Variants in ASAP2 observed in about 807,000 individuals in gnomAD.
ASAP2 encodes ArfGAP with SH3 domain, ankyrin repeat and PH domain 2, also known as arf-GAP with SH3 domain, ANK repeat and PH domain-containing protein 2.
A neutral mutation model predicts 131.4 loss-of-function variants in ASAP2; 45 were observed. The ratio of observed to expected loss-of-function variants is 0.34; its 90% confidence interval spans 0.27 to 0.44. The LOEUF (loss-of-function observed/expected upper bound fraction) is 0.44. Ranked by LOEUF, ASAP2 falls within the 20% of genes least tolerant of loss-of-function variation. The pLI is 1.00. For synonymous variants in ASAP2, 510 were observed against 503.0 expected, an observed-to-expected ratio of 1.01 and a Z score of -0.19; for missense variants, 1,011 against 1,297.0, an observed-to-expected ratio of 0.78 and a Z score of 3.39.
intron 1 of ASAP2, among the ~76,000 whole-genome samples, chr2:9,229,056 AG>A (rs1203480396): frequency 6.6e-6 from 1 of 152,108 alleles, no homozygotes; most frequent in African/African-American, 2.4e-5. Flanking sequence ...GTTGAAGGCT[AG>A]GGGCGGAAAG....
At chr2:9,369,829 C>G (rs1572566596) in intron 16 of ASAP2, among the ~76,000 whole-genome samples, 2 of 152,218 alleles carry the variant, frequency 1.3e-5, no homozygotes, top group South Asian at 4.2e-4. Flanking sequence ...AGTGTATGGA[C>G]CCTTTGTAAA....
At position 9,379,791 on chromosome 2, in the gene ASAP2, G is replaced by A. The variant is rs543654234; in HGVS notation, c.1948+732G>A. ...CAGTGGCTCACGAGGTCAAGAGATC[G>A]AGACCATCTGGCCAACATGGTGAAA... On this transcript the variant is annotated intron_variant, in intron 19 of 27. Coordinates refer to ENST00000281419, the MANE Select transcript of ASAP2 (RefSeq NM_003887.3). 5.9e-5 allele frequency among the ~76,000 whole-genome samples: 9 copies of A among 152,102 alleles called. No homozygotes were observed. In the East Asian group the frequency reaches 9.7e-4, roughly 16 times the overall value.
chr2:9,361,797 C>G (rs779784702), intron 15 of ASAP2, among the ~76,000 whole-genome samples: 2 of 152,108 alleles, frequency 1.3e-5, no homozygotes, highest in East Asian at 3.9e-4. Context: ...ACTCCTGGAC[C>G]CAAGTGATCC....
At chr2:9,215,967 C>T (rs1210085803) in intron 1 of ASAP2, among the ~76,000 whole-genome samples, 1 of 152,096 alleles carries the variant, frequency 6.6e-6, no homozygotes, top group Non-Finnish European at 1.5e-5. Context: ...GTGCATGCCT[C>T]AAGAGTTCAG....
chr2:9,400,698 G>A, intron 25 of ASAP2, 44 bp from the exon 26 acceptor site: 1 of 1,515,894 alleles, frequency 6.6e-7, no homozygotes, highest in Non-Finnish European at 9.2e-7. Context: ...TCTCATGGCT[G>A]TGATTGATGG....
chr2:9,394,389 C>T (rs1039249196), intron 24 of ASAP2, among the ~76,000 whole-genome samples: 6 of 152,132 alleles, frequency 3.9e-5, no homozygotes, highest in African/African-American at 1.4e-4. Context: ...TGGTCTCGAT[C>T]TCCTGACCTC....
intron 21 of ASAP2, among the ~76,000 whole-genome samples, chr2:9,386,122 A>G (rs947653730): frequency 4.0e-5 from 6 of 151,670 alleles, no homozygotes; most frequent in African/African-American, 1.5e-4. Context: ...ATGCCACATT[A>G]AACACATTTT....
intron 1 of ASAP2, among the ~76,000 whole-genome samples, chr2:9,223,379 G>A (rs1473286055): frequency 6.6e-6 from 1 of 152,066 alleles, no homozygotes; most frequent in Admixed American, 6.5e-5. Flanking sequence ...GAACCTTCTT[G>A]GATCCTTCAA....
chr2:9,358,630 C>T (rs1332095109), intron 14 of ASAP2, 126 bp from the exon 15 acceptor site: 6 of 1,187,568 alleles, frequency 5.1e-6, no homozygotes, highest in Non-Finnish European at 6.9e-6. Flanking sequence ...AAGTTTCCAG[C>T]TGTGTTAAGG....
At chr2:9,350,955 C>T (rs746542797) in intron 12 of ASAP2, 60 bp downstream of exon 12, 15 of 1,281,736 alleles carry the variant, frequency 1.2e-5, no homozygotes, top group East Asian at 4.8e-5. Context: ...TCCTCTGGGG[C>T]GTCCTTCACA....
At position 9,258,462 on chromosome 2, in the gene ASAP2, T is replaced by C. The variant is rs147234236; in HGVS notation, c.127-20855T>C. Among the ~76,000 whole-genome samples, 112 of 152,240 alleles carry C rather than the reference T, an allele frequency of 7.4e-4. 1 individual carries two copies. Among genetic ancestry groups the C allele is most frequent in the African/African-American group, 2.2e-3 (91 of 41,532 alleles). On this transcript the variant is annotated intron_variant, in intron 1 of 27. Transcript: ENST00000281419. ...AAGATAACTAAAATGCAAGCTGTTT[T>C]AAAGGTGGTACTTTCATAGAATTTT...
At position 9,388,316 on chromosome 2, in the gene ASAP2, A is replaced by C; in HGVS notation, c.2153A>C (p.Asp718Ala). 1.9e-6 allele frequency: 3 copies of C among 1,614,058 alleles called. No individual in the cohort carries two copies. The highest frequency in any genetic ancestry group is 2.5e-6 in the Non-Finnish European group (3 of 1,180,022). Residue 718 changes from aspartate to alanine, a missense_variant, in exon 22 of 28, where the codon GAC becomes GCC. Coordinates refer to ENST00000281419, the MANE Select transcript of ASAP2 (RefSeq NM_003887.3). Reference protein sequence around the residue: ...KLQPSPNRREDRPISFYQLGS... With the variant: ...KLQPSPNRREARPISFYQLGS... Reference sequence around the variant, plus strand: ...CAGCCCAGTCCCAACCGGCGGGAAGACCGGCCCATCAGCTTCTACCAGCTG... The same window carrying C: ...CAGCCCAGTCCCAACCGGCGGGAAGCCCGGCCCATCAGCTTCTACCAGCTG...
chr2:9,217,226 T>C lies in ASAP2; in HGVS notation c.126+9996T>C, dbSNP rs1489813486. 6.6e-6 allele frequency among the ~76,000 whole-genome samples: 1 copy of C among 152,202 alleles called. No individual in the cohort carries two copies. Among genetic ancestry groups the C allele is most frequent in the Non-Finnish European group, 1.5e-5 (1 of 68,026 alleles). On this transcript the variant is annotated intron_variant, in intron 1 of 27. Transcript: ENST00000281419. The surrounding 1 kb of genome is among the most constrained non-coding windows in gnomAD (Gnocchi z 4.0). ...GTTAGTGTTAGAAAGTTGCAGCTAT[T>C]GCATTGCTCGAGTGGGTGCTTCTGG...
In ASAP2 at chr2:9,254,254, T is replaced by TATATATATATATACACACACAC. The variant is rs1553297027; in HGVS notation, c.127-25062_127-25061insTATATATATATACACACACACA. Among the ~76,000 whole-genome samples the TATATATATATATACACACACAC allele has an allele frequency of 8.2e-4, 54 of 65,720 alleles. 1 individual carries two copies. Among genetic ancestry groups the TATATATATATATACACACACAC allele is most frequent in the South Asian group, 1.4e-3 (3 of 2,190 alleles). The allele number at this position is 65,720 out of a possible 152,430, so 43.1% of individuals were successfully genotyped here. ...AAAAAAAAATATATATATATATATA[T>TATATATATATATACACACACAC]ACACGTGTGTGTGTATGCATATATA... On this transcript the variant is annotated intron_variant, in intron 1 of 27. Transcript: ENST00000281419.
chr2:9,388,986 C>T (rs1404305580), intron 22 of ASAP2, among the ~76,000 whole-genome samples: 2 of 152,154 alleles, frequency 1.3e-5, no homozygotes, highest in African/African-American at 4.8e-5. Context: ...ACCCATGATC[C>T]CCATAAAAGA....
chr2:9,403,109 G>GAT, intron 27 of ASAP2, 144 bp from the exon 28 acceptor site: 1 of 663,010 alleles, frequency 1.5e-6, no homozygotes, highest in Non-Finnish European at 2.6e-6. Context: ...AAATCATTTG[G>GAT]ATGTTTTACC....
intron 11 of ASAP2, among the ~76,000 whole-genome samples, chr2:9,346,465 T>C (rs1272576714): frequency 2.0e-5 from 3 of 151,362 alleles, no homozygotes; most frequent in African/African-American, 4.9e-5. Flanking sequence ...ATTCTTTCCA[T>C]GCGTGGATGT....
At chr2:9,215,941 G>A (rs34716094) in intron 1 of ASAP2, among the ~76,000 whole-genome samples, 24,100 of 152,158 alleles carry the variant, frequency 0.16, 2,351 homozygotes, top group South Asian at 0.23. Context: ...GATCCCACAG[G>A]TCAGTTCATA....
chr2:9,248,338 A>G (rs1558264248), intron 1 of ASAP2, among the ~76,000 whole-genome samples: 2 of 152,134 alleles, frequency 1.3e-5, no homozygotes, highest in Non-Finnish European at 2.9e-5. Flanking sequence ...TATAACCAAG[A>G]TGGTTTTTAG....
Sources: gnomAD v4.1 joint callset for allele counts (sites outside exome capture counted in the v4.1 genomes callset) on GRCh38, gnomAD v4.1.1 for gene constraint, Gnocchi (gnomAD v3.1) non-coding constraint, MANE v1.5 for transcripts, NCBI Gene and HGNC (gene_info 2026-07-23, HGNC 2026-07-21) for gene names.